SYTL3: variants seen among roughly 807,000 people sequenced by gnomAD.
The protein encoded by SYTL3 is synaptotagmin like 3, also known as synaptotagmin-like protein 3.
SYTL3 carries 88 observed loss-of-function variants against 82.1 expected under a neutral mutation model. The observed-to-expected ratio is 1.07, with a 90% CI of 0.90 to 1.28. The LOEUF (loss-of-function observed/expected upper bound fraction) is 1.28, where lower values mean the gene tolerates loss of function less well. Among genes scored for constraint, SYTL3 ranks in the 50% most tolerant of loss-of-function variants. The probability of loss-of-function intolerance (pLI) is 0.00; values close to 1 mark genes in which losing one functional copy is unlikely to be tolerated. For missense variants in SYTL3, 831 were observed against 757.6 expected (o/e 1.10, Z -1.14); for synonymous variants, 311 against 289.4 (o/e 1.07, Z -0.76).
intron 10 of SYTL3, among the ~76,000 whole-genome samples, chr6:158,718,902 C>A (rs1442846478): frequency 6.6e-6 from 1 of 152,104 alleles, no homozygotes; most frequent in Non-Finnish European, 1.5e-5. Flanking sequence ...AACTGGTGTC[C>A]CTTCTCTGCT....
At chr6:158,664,855 A>G (rs1789831276) in intron 4 of SYTL3, among the ~76,000 whole-genome samples, 1 of 152,074 alleles carries the variant, frequency 6.6e-6, no homozygotes, top group African/African-American at 2.4e-5. Flanking sequence ...CCAATACAGT[A>G]TCTCTTTGCA....
intron 12 of SYTL3, among the ~76,000 whole-genome samples, chr6:158,751,048 A>C (rs192827951): frequency 5.0e-4 from 76 of 152,208 alleles, no homozygotes; most frequent in South Asian, 1.2e-3. Context: ...CGTCCACTTC[A>C]TCCTCCCAAA....
chr6:158,677,863 T>TCTG (rs891952120), intron 5 of SYTL3, among the ~76,000 whole-genome samples: 7 of 152,138 alleles, frequency 4.6e-5, no homozygotes, highest in South Asian at 2.1e-4. Flanking sequence ...ATATGCAGCT[T>TCTG]CTGCTGCTGC....
chr6:158,646,193 C>T (rs1050901797), upstream of SYTL3, among the ~76,000 whole-genome samples: 1 of 152,064 alleles, frequency 6.6e-6, no homozygotes, highest in Non-Finnish European at 1.5e-5. Flanking sequence ...GTGGTGTGAT[C>T]GGAGATTTTG....
At chr6:158,705,101 C>T (rs1583304412) in intron 6 of SYTL3, among the ~76,000 whole-genome samples, 1 of 63,570 alleles carries the variant, frequency 1.6e-5, no homozygotes, top group Admixed American at 1.6e-4. Flanking sequence ...CCACATAGGG[C>T]AGGAGGGACC....
At chr6:158,754,126 T>C (rs929632426) in intron 13 of SYTL3, among the ~76,000 whole-genome samples, 19 of 152,186 alleles carry the variant, frequency 1.2e-4, no homozygotes, top group East Asian at 3.9e-4. Flanking sequence ...TGGATGAGGC[T>C]GTGAGAACTG....
chr6:158,724,646 T>A (rs1784497322), intron 10 of SYTL3, among the ~76,000 whole-genome samples: 1 of 152,252 alleles, frequency 6.6e-6, no homozygotes, highest in African/African-American at 2.4e-5. Context: ...TAAGTTTGTT[T>A]GATTTCAATT....
chr6:158,707,899 C>A (rs928979754), intron 7 of SYTL3, among the ~76,000 whole-genome samples: 11 of 152,174 alleles, frequency 7.2e-5, no homozygotes, highest in Admixed American at 6.5e-4. Flanking sequence ...TTTCCCATTT[C>A]TTTTAGCACA....
chr6:158,725,339 G>A (rs1784589057), intron 10 of SYTL3, among the ~76,000 whole-genome samples, 164 bp from the exon 11 acceptor site: 1 of 152,126 alleles, frequency 6.6e-6, no homozygotes, highest in African/African-American at 2.4e-5. Context: ...GTGTGTGTGT[G>A]TGTGCGCACG....
At chr6:158,757,473 G>T in intron 14 of SYTL3, 92 bp downstream of exon 14, 1 of 1,387,650 alleles carries the variant, frequency 7.2e-7, no homozygotes, top group Non-Finnish European at 9.9e-7. Flanking sequence ...AACGTACCTG[G>T]CAAGACTTGG....
intron 10 of SYTL3, among the ~76,000 whole-genome samples, chr6:158,724,345 C>CT (rs1223234250): frequency 7.9e-5 from 12 of 152,204 alleles, no homozygotes; most frequent in African/African-American, 2.9e-4. Flanking sequence ...GTAATCCTTT[C>CT]TTTCATTTGT....
upstream of SYTL3, among the ~76,000 whole-genome samples, chr6:158,647,060 A>G (rs1787525312): frequency 6.6e-6 from 1 of 152,226 alleles, no homozygotes; most frequent in East Asian, 1.9e-4. Context: ...AGAACATGAC[A>G]CTTGGGACAG....
At chr6:158,708,047 C>A (rs557617099) in intron 7 of SYTL3, among the ~76,000 whole-genome samples, 1 of 152,154 alleles carries the variant, frequency 6.6e-6, no homozygotes, top group Non-Finnish European at 1.5e-5. Flanking sequence ...CAGGTCCAGG[C>A]CGGAGCACCC....
At chr6:158,727,914 G>A (rs886854325) in intron 11 of SYTL3, among the ~76,000 whole-genome samples, 2 of 152,084 alleles carry the variant, frequency 1.3e-5, no homozygotes, top group African/African-American at 2.4e-5. Context: ...ATGAGCTGTC[G>A]CCTTGTGAGA....
In SYTL3 at chr6:158,682,914, C is replaced by G; in HGVS notation, c.330-11C>G. ...CTCTCTCTGAAGCTTCCTTTCTGCT[C>G]ATTTTTTCAGGAATGTCAAAATAAA... On this transcript the variant is annotated splice_polypyrimidine_tract_variant and intron_variant, in intron 5 of 17. Coordinates refer to ENST00000611299, the MANE Select transcript of SYTL3 (RefSeq NM_001242394.2). 1.2e-6 allele frequency: 2 copies of G among 1,610,178 alleles called. No individual in the cohort carries two copies. Among genetic ancestry groups the G allele is most frequent in the Non-Finnish European group, 1.7e-6 (2 of 1,176,634 alleles).
chr6:158,748,778 G>T (rs3123092), intron 12 of SYTL3, among the ~76,000 whole-genome samples: 28,843 of 151,188 alleles, frequency 0.19, 3,013 homozygotes, highest in Middle Eastern at 0.24. Context: ...CAGGGAGGTA[G>T]ACGTTGCAGT....
intron 12 of SYTL3, among the ~76,000 whole-genome samples, chr6:158,750,413 A>G (rs6901511): frequency 6.6e-6 from 1 of 151,958 alleles, no homozygotes; most frequent in Admixed American, 6.5e-5. Flanking sequence ...GGTATATTTT[A>G]TATATTCTGT....
chr6:158,655,931 C>T (rs1297783282), intron 2 of SYTL3, among the ~76,000 whole-genome samples: 6 of 152,092 alleles, frequency 3.9e-5, no homozygotes, highest in African/African-American at 7.2e-5. Flanking sequence ...AGAGTGGGGC[C>T]GATGCGTGGA....
rs1464935538 is a variant in SYTL3, at chr6:158,657,153, C to T, written c.-636-4116C>T. Among the ~76,000 whole-genome samples the T allele has an allele frequency of 6.6e-5, 10 of 152,060 alleles. No individual in the cohort carries two copies. The South Asian group carries it at 8.3e-4, about 13-fold the overall frequency. On this transcript the variant is annotated intron_variant, in intron 2 of 17. Coordinates refer to ENST00000611299, the MANE Select transcript of SYTL3 (RefSeq NM_001242394.2). ...AAAAACCCTTAGTAGTGGCCGGGCA[C>T]GGTGACTCATGCCTGTAATCCCAGT...
Sources: allele counts gnomAD v4.1 joint callset (sites outside exome capture counted in the v4.1 genomes callset), GRCh38; gene constraint gnomAD v4.1.1; transcripts MANE v1.5; gene names NCBI Gene and HGNC (gene_info 2026-07-23, HGNC 2026-07-21).